Variants in HUNK observed in about 807,000 individuals in gnomAD.
HUNK encodes the protein hormonally up-regulated neu tumor-associated kinase.
Under a neutral mutation model 61.0 loss-of-function variants are expected in HUNK, and 21 were observed. The observed-to-expected ratio is 0.34, with a 90% CI of 0.24 to 0.50. HUNK has a LOEUF of 0.50. Among genes scored for constraint, HUNK ranks in the 20% least tolerant of loss-of-function variants. HUNK has a pLI of 0.98. For synonymous variants in HUNK, 371 were observed against 386.1 expected, an observed-to-expected ratio of 0.96 and a Z score of 0.46; for missense variants, 772 against 945.7, an observed-to-expected ratio of 0.82 and a Z score of 2.41.
At chr21:31,948,533 G>T (rs971338507) in intron 4 of HUNK, among the ~76,000 whole-genome samples, 1 of 152,154 alleles carries the variant, frequency 6.6e-6, no homozygotes, top group Non-Finnish European at 1.5e-5. Flanking sequence ...TGTAGCTGAG[G>T]GGGCAGGGAC....
intron 3 of HUNK, among the ~76,000 whole-genome samples, chr21:31,945,534 C>T (rs950184087): frequency 5.9e-5 from 9 of 152,108 alleles, no homozygotes; most frequent in East Asian, 1.9e-4. Context: ...TTTCATGAAA[C>T]GAAAACATTC....
chr21:31,919,712 C>T (rs144120358), intron 1 of HUNK, among the ~76,000 whole-genome samples: 266 of 152,220 alleles, frequency 1.7e-3, no homozygotes, highest in Middle Eastern at 6.8e-3. Context: ...CTCTGCTCTC[C>T]GTGGGTCTCA....
intron 6 of HUNK, among the ~76,000 whole-genome samples, chr21:31,969,298 GCC>G (rs954848741): frequency 1.3e-5 from 2 of 152,108 alleles, no homozygotes; most frequent in Non-Finnish European, 2.9e-5. Flanking sequence ...GCCTTCTTCT[GCC>G]TTGTTCTTGA....
intron 8 of HUNK, among the ~76,000 whole-genome samples, chr21:31,984,802 G>A (rs955793481): frequency 6.6e-6 from 1 of 152,076 alleles, no homozygotes; most frequent in African/African-American, 2.4e-5. Context: ...GAGTGTCCTT[G>A]CCACAGGAAC....
chr21:31,967,142 G>T (rs2123848197), intron 5 of HUNK, among the ~76,000 whole-genome samples: 1 of 151,774 alleles, frequency 6.6e-6, no homozygotes. Flanking sequence ...TGAGCTCAGG[G>T]GTTTGAGACC....
In HUNK at chr21:31,999,510, G is replaced by C; in HGVS notation, c.*326G>C. The C allele has an allele frequency of 3.2e-6, 1 of 314,818 alleles. No homozygotes were observed. Among genetic ancestry groups the C allele is most frequent in the Non-Finnish European group, 5.8e-6 (1 of 171,304 alleles). The allele number at this position is 314,818 out of a possible 1,614,324, so 19.5% of individuals were successfully genotyped here. A position where few individuals can be genotyped will look rare whatever the true frequency, so the allele number is the denominator to read the frequency against. On this transcript the variant is annotated 3_prime_UTR_variant, in exon 11 of 11. Coordinates refer to ENST00000270112, the MANE Select transcript of HUNK (RefSeq NM_014586.2). ...GGGCATGAGCCTTCTGGGGCACTCA[G>C]ATTATGGACTGTTACCAGATCTTTC...
chr21:31,879,904 G>A (rs1029367252), intron 1 of HUNK, among the ~76,000 whole-genome samples: 2 of 152,192 alleles, frequency 1.3e-5, no homozygotes, highest in African/African-American at 4.8e-5. Context: ...TAATCCCCAG[G>A]CCTTATGTTA....
intron 7 of HUNK, among the ~76,000 whole-genome samples, chr21:31,979,512 A>ATTTTTTTTTTTTT (rs1568940203): frequency 3.0e-5 from 3 of 99,508 alleles, no homozygotes; most frequent in African/African-American, 3.9e-5. Flanking sequence ...AGTTGTTTGC[A>ATTTTTTTTTTTTT]TTCTTTTTTT....
chr21:31,979,512 A>ATTTTT lies in HUNK; in HGVS notation c.1174-4012_1174-4011insTTTTT, dbSNP rs1568940203. ...GTTTTCTGGCTATTGAGTTGTTTGC[A>ATTTTT]TTCTTTTTTTTTTTTTTTTTTTTTT... On this transcript the variant is annotated intron_variant, in intron 7 of 10. Coordinates refer to ENST00000270112, the MANE Select transcript of HUNK (RefSeq NM_014586.2). Among the ~76,000 whole-genome samples the ATTTTT allele has an allele frequency of 2.0e-5, 2 of 99,508 alleles. 1 individual carries two copies. Among genetic ancestry groups the ATTTTT allele is most frequent in the Non-Finnish European group, 3.9e-5 (2 of 50,740 alleles). The allele number at this position is 99,508 out of a possible 152,430, so 65.3% of individuals were successfully genotyped here. A position where few individuals can be genotyped will look rare whatever the true frequency, so the allele number is the denominator to read the frequency against.
At chr21:31,901,625 T>C (rs906442411) in intron 1 of HUNK, among the ~76,000 whole-genome samples, 2 of 152,182 alleles carry the variant, frequency 1.3e-5, no homozygotes, top group Non-Finnish European at 2.9e-5. Context: ...AACTTGTAGC[T>C]CACCTGTTCT....
chr21:31,890,331 C>T (rs547252924), intron 1 of HUNK, among the ~76,000 whole-genome samples: 11 of 151,994 alleles, frequency 7.2e-5, no homozygotes, highest in African/African-American at 1.2e-4. Context: ...CGGGTTCAAG[C>T]GATTCTCCTG....
intron 5 of HUNK, among the ~76,000 whole-genome samples, chr21:31,963,733 C>G (rs532934512): frequency 6.6e-6 from 1 of 152,284 alleles, no homozygotes; most frequent in Admixed American, 6.5e-5. Context: ...TGGTCTTGAA[C>G]TCCTGGGCTC....
At chr21:31,881,366 C>T (rs1343636799) in intron 1 of HUNK, among the ~76,000 whole-genome samples, 2 of 152,130 alleles carry the variant, frequency 1.3e-5, no homozygotes, top group Admixed American at 6.6e-5. Flanking sequence ...GTGGCTCACG[C>T]GTGTAATCCC....
chr21:31,917,296 G>C (rs958694111), intron 1 of HUNK, among the ~76,000 whole-genome samples: 1 of 151,804 alleles, frequency 6.6e-6, no homozygotes, highest in Non-Finnish European at 1.5e-5. Context: ...AGACTCAAGC[G>C]ATCCTCTCAC....
intron 1 of HUNK, among the ~76,000 whole-genome samples, chr21:31,917,995 A>C (rs1366536554): frequency 6.6e-6 from 1 of 152,202 alleles, no homozygotes; most frequent in Non-Finnish European, 1.5e-5. Context: ...CCATTATTGC[A>C]TTAGGCTTTA....
At chr21:31,965,359 T>C (rs1473868092) in intron 5 of HUNK, among the ~76,000 whole-genome samples, 6 of 150,934 alleles carry the variant, frequency 4.0e-5, no homozygotes, top group Non-Finnish European at 7.4e-5. Flanking sequence ...GGTACCAGGA[T>C]TAGTACCTGG....
At chr21:31,883,782 C>T (rs954308455) in intron 1 of HUNK, among the ~76,000 whole-genome samples, 1 of 152,168 alleles carries the variant, frequency 6.6e-6, no homozygotes, top group African/African-American at 2.4e-5. Context: ...TTAAGAGCCA[C>T]TGCTTTGTTG....
chr21:31,944,181 GCAGTT>G (rs2052786889), intron 3 of HUNK, among the ~76,000 whole-genome samples: 5 of 152,216 alleles, frequency 3.3e-5, no homozygotes, highest in Admixed American at 3.3e-4. Flanking sequence ...TTGGGTTCAG[GCAGTT>G]CTCCTGCCTC....
chr21:31,977,274 C>T (rs2053056881), intron 7 of HUNK, among the ~76,000 whole-genome samples: 2 of 152,112 alleles, frequency 1.3e-5, no homozygotes, highest in African/African-American at 4.8e-5. Context: ...TGGACACCAC[C>T]ATGCTATAGA....
Sources: gnomAD v4.1 joint callset for allele counts (sites outside exome capture counted in the v4.1 genomes callset) on GRCh38, gnomAD v4.1.1 for gene constraint, MANE v1.5 for transcripts, NCBI Gene and HGNC (gene_info 2026-07-23, HGNC 2026-07-21) for gene names.